Variants in SLC35F1 observed in about 807,000 individuals in gnomAD.
SLC35F1 encodes chromosome 6 open reading frame 169.
In SLC35F1, 14 loss-of-function variants were observed where a neutral mutation model predicts 48.7. The ratio of observed to expected loss-of-function variants is 0.29; its 90% CI spans 0.19 to 0.45. The LOEUF (loss-of-function observed/expected upper bound fraction) is 0.45, where lower values mean the gene tolerates loss of function less well. SLC35F1 is among the 20% of genes least tolerant of loss of function. The pLI, the probability that SLC35F1 is intolerant of heterozygous loss-of-function variation, is 1.00. For missense variants in SLC35F1, 404 were observed against 500.0 expected (o/e 0.81, Z 1.83); for synonymous variants, 190 against 202.2 (o/e 0.94, Z 0.51).
chr6:118,170,271 C>A (rs1348799057), intron 2 of SLC35F1, among the ~76,000 whole-genome samples: 1 of 152,094 alleles, frequency 6.6e-6, no homozygotes, highest in Non-Finnish European at 1.5e-5. Flanking sequence ...ATCTTTGAAT[C>A]AAATATATTT....
chr6:118,005,226 G>A (rs986315720), intron 1 of SLC35F1, among the ~76,000 whole-genome samples: 1 of 152,044 alleles, frequency 6.6e-6, no homozygotes, highest in African/African-American at 2.4e-5. Flanking sequence ...CTGCTCACAT[G>A]CATACAGGTT....
At position 118,104,337 on chromosome 6, in the gene SLC35F1, T is replaced by C. The variant is rs564212074; in HGVS notation, c.174-50108T>C. The stretch of plus-strand genomic sequence containing the variant: ...AATCTTGGCTTTACCATTTGTTAAC[T>C]ACAAGATCCTGAGCAAATTATTTAA... On this transcript the variant is annotated intron_variant, in intron 1 of 7. Coordinates refer to ENST00000360388, the MANE Select transcript of SLC35F1 (RefSeq NM_001029858.4). Among the ~76,000 whole-genome samples, 5 of 152,302 alleles carry C rather than the reference T, an allele frequency of 3.3e-5. No homozygotes were observed. In the South Asian group the frequency reaches 1.0e-3, roughly 32 times the overall value.
At chr6:118,312,840 C>G (rs1776386556) in intron 7 of SLC35F1, among the ~76,000 whole-genome samples, 1 of 152,078 alleles carries the variant, frequency 6.6e-6, no homozygotes, top group Non-Finnish European at 1.5e-5. Flanking sequence ...TCCTGTTTTC[C>G]TTTCTTCCAA....
At chr6:118,003,971 T>C (rs930008623) in intron 1 of SLC35F1, among the ~76,000 whole-genome samples, 1 of 152,228 alleles carries the variant, frequency 6.6e-6, no homozygotes, top group African/African-American at 2.4e-5. Context: ...TATCCTTATT[T>C]TGTGATATAG....
intron 2 of SLC35F1, among the ~76,000 whole-genome samples, chr6:118,207,140 A>G (rs1237071915): frequency 2.0e-5 from 3 of 152,166 alleles, no homozygotes; most frequent in Admixed American, 6.5e-5. Flanking sequence ...TATATTATAA[A>G]CCTAAAGAGG....
rs1562123347 is a variant in SLC35F1, at chr6:118,317,494, AC to A, written c.*3243del. On this transcript the variant is annotated 3_prime_UTR_variant, in exon 8 of 8. Coordinates refer to ENST00000360388, the MANE Select transcript of SLC35F1 (RefSeq NM_001029858.4). ...TAGGATTCTATTGTTAAGCCACATAACAAAGCACACTAATTCTGACAACACT... is the reference window on the plus strand; with the variant it reads ...TAGGATTCTATTGTTAAGCCACATAAAAAGCACACTAATTCTGACAACACT... 1 of 152,152 alleles carries A rather than the reference AC, an allele frequency of 6.6e-6. No homozygotes were observed. The highest frequency in any genetic ancestry group is 2.1e-4 in the South Asian group (1 of 4,830). 9.4% of individuals were successfully genotyped at this position (152,152 alleles called of 1,614,324 possible). A position where few individuals can be genotyped will look rare whatever the true frequency, so the allele number is the denominator to read the frequency against.
chr6:118,293,370 G>A (rs1011550905), intron 7 of SLC35F1, among the ~76,000 whole-genome samples: 7 of 152,048 alleles, frequency 4.6e-5, no homozygotes, highest in African/African-American at 1.7e-4. Context: ...CTTGGCTCAT[G>A]GCCTCTTCCT....
intron 1 of SLC35F1, among the ~76,000 whole-genome samples, chr6:117,927,239 A>G (rs1170917810): frequency 6.6e-6 from 1 of 152,230 alleles, no homozygotes; most frequent in East Asian, 1.9e-4. Flanking sequence ...AAGAAGCACA[A>G]GAATGAAGGC....
chr6:118,182,618 C>T (rs1774598646), intron 2 of SLC35F1, among the ~76,000 whole-genome samples: 1 of 151,904 alleles, frequency 6.6e-6, no homozygotes, highest in Non-Finnish European at 1.5e-5. Flanking sequence ...GAAATCTCAA[C>T]ACTTTGGGAG....
chr6:117,923,675 G>GTACATATGTACATATATCTATATA (rs1562238724), intron 1 of SLC35F1, among the ~76,000 whole-genome samples: 1 of 36,304 alleles, frequency 2.8e-5, no homozygotes, highest in African/African-American at 1.1e-4. Flanking sequence ...ATACATATAT[G>GTACATATGTACATATATCTATATA]TACATATATA....
intron 1 of SLC35F1, among the ~76,000 whole-genome samples, chr6:118,100,432 A>G (rs1238833217): frequency 6.6e-6 from 1 of 152,164 alleles, no homozygotes; most frequent in African/African-American, 2.4e-5. Context: ...CTGGCTACCA[A>G]TTTAGGGGCT....
chr6:118,128,662 G>A (rs1773665040), intron 1 of SLC35F1, among the ~76,000 whole-genome samples: 1 of 151,976 alleles, frequency 6.6e-6, no homozygotes. Flanking sequence ...GGACTGTTGT[G>A]GGGTGGGAGG....
chr6:118,250,108 A>G (rs1775554835), intron 3 of SLC35F1, among the ~76,000 whole-genome samples: 1 of 152,218 alleles, frequency 6.6e-6, no homozygotes, highest in Non-Finnish European at 1.5e-5. Flanking sequence ...CGATGCAATG[A>G]GCACCTCAAG....
chr6:117,975,214 C>A (rs1204794776), intron 1 of SLC35F1, among the ~76,000 whole-genome samples: 1 of 152,192 alleles, frequency 6.6e-6, no homozygotes, highest in Non-Finnish European at 1.5e-5. Context: ...CATTCACTCA[C>A]CCTTCAGTGC....
At chr6:117,994,046 GCGCTAGGGGAGAATCCA>G (rs891388201) in intron 1 of SLC35F1, among the ~76,000 whole-genome samples, 1 of 152,084 alleles carries the variant, frequency 6.6e-6, no homozygotes, top group African/African-American at 2.4e-5. Context: ...TTCTCTGCAG[GCGCTAGGGGAGAATCCA>G]CTTCTAAGCT....
chr6:118,291,417 T>C (rs1464956383), intron 7 of SLC35F1, among the ~76,000 whole-genome samples: 2 of 152,244 alleles, frequency 1.3e-5, no homozygotes, highest in Non-Finnish European at 2.9e-5. Context: ...TTTTTATTAT[T>C]GGGCTGTAAT....
intron 1 of SLC35F1, among the ~76,000 whole-genome samples, chr6:117,984,510 A>G (rs924901514): frequency 1.3e-5 from 2 of 151,976 alleles, no homozygotes; most frequent in African/African-American, 4.8e-5. Flanking sequence ...AAAAAAAAAA[A>G]AAGGAATAAT....
intron 2 of SLC35F1, among the ~76,000 whole-genome samples, chr6:118,183,846 T>G (rs1254026450): frequency 6.6e-6 from 1 of 152,138 alleles, no homozygotes; most frequent in Non-Finnish European, 1.5e-5. Flanking sequence ...TCTTTTACAG[T>G]TTCTTTTGTG....
intron 2 of SLC35F1, among the ~76,000 whole-genome samples, chr6:118,232,863 C>T (rs571259922): frequency 6.6e-6 from 1 of 152,306 alleles, no homozygotes; most frequent in African/African-American, 2.4e-5. Flanking sequence ...AATTAATCAT[C>T]TAAAAGTCCT....
Sources: gnomAD v4.1 joint callset for allele counts (sites outside exome capture counted in the v4.1 genomes callset) on GRCh38, gnomAD v4.1.1 for gene constraint, MANE v1.5 for transcripts, NCBI Gene and HGNC (gene_info 2026-07-23, HGNC 2026-07-21) for gene names.